The following NEXMIF variants were observed in gnomAD, a reference collection of about 807,000 sequenced individuals.
The protein encoded by NEXMIF is neurite extension and migration factor.
NEXMIF carries 8 observed loss-of-function variants against 62.1 expected under a neutral mutation model. That is an observed-to-expected ratio of 0.13 (90% confidence interval 0.08 to 0.23). The LOEUF (loss-of-function observed/expected upper bound fraction) is 0.23. NEXMIF is among the 10% of genes least tolerant of loss of function. NEXMIF has a pLI of 1.00. For synonymous variants in NEXMIF, 404 were observed against 416.6 expected (o/e 0.97, Z 0.37); for missense variants, 976 against 1,113.3 (o/e 0.88, Z 1.75).
At chrX:74,881,845 A>C (rs2080665738) in intron 1 of NEXMIF, among the ~76,000 whole-genome samples, 1 of 111,740 alleles carries the variant, frequency 8.9e-6, no homozygotes, top group African/African-American at 3.3e-5. Context: ...GTCAAGGAGG[A>C]GGTTATGGGT....
At chrX:74,886,781 C>A (rs1174010736) in intron 1 of NEXMIF, among the ~76,000 whole-genome samples, 1 of 108,281 alleles carries the variant, frequency 9.2e-6, no homozygotes, top group Non-Finnish European at 1.9e-5. Flanking sequence ...ACTTTCTTCA[C>A]AGAATTGGAA....
At chrX:74,793,677 T>C (rs1287812447) in intron 1 of NEXMIF, among the ~76,000 whole-genome samples, 1 of 105,323 alleles carries the variant, frequency 9.5e-6, no homozygotes, top group African/African-American at 3.5e-5. Context: ...GCTTATTTCT[T>C]TTTATTCTTT....
intron 1 of NEXMIF, among the ~76,000 whole-genome samples, chrX:74,795,691 G>A (rs1338370880): frequency 9.0e-6 from 1 of 111,383 alleles, no homozygotes; most frequent in Non-Finnish European, 1.9e-5. Flanking sequence ...ATATGCAAAT[G>A]CAAACATCAA....
chrX:74,825,350 C>T (rs2147481288), intron 1 of NEXMIF, among the ~76,000 whole-genome samples: 1 of 111,093 alleles, frequency 9.0e-6, no homozygotes, highest in Admixed American at 9.6e-5. Flanking sequence ...AACCTAGTAC[C>T]CATTAGTTAT....
At chrX:74,765,723 T>G (rs906918540) in intron 1 of NEXMIF, among the ~76,000 whole-genome samples, 41 of 110,156 alleles carry the variant, frequency 3.7e-4, no homozygotes, top group Admixed American at 2.4e-3. Flanking sequence ...GGTTGAAGAT[T>G]TTTTTCTTTA....
chrX:74,815,985 A>C (rs1413616711), intron 1 of NEXMIF, among the ~76,000 whole-genome samples: 1 of 111,115 alleles, frequency 9.0e-6, no homozygotes, highest in Admixed American at 9.6e-5. Flanking sequence ...TGGTCCACTT[A>C]CTGTTTCCCC....
chrX:74,888,765 T>C (rs1428021669), intron 1 of NEXMIF, among the ~76,000 whole-genome samples: 3 of 112,103 alleles, frequency 2.7e-5, no homozygotes, highest in Non-Finnish European at 5.6e-5. Flanking sequence ...ACACATATTA[T>C]TCACATAAAC....
At chrX:74,837,180 G>A (rs2080459890) in intron 1 of NEXMIF, among the ~76,000 whole-genome samples, 1 of 111,539 alleles carries the variant, frequency 9.0e-6, no homozygotes, top group African/African-American at 3.3e-5. Flanking sequence ...GATAGGGGAG[G>A]GGTGGATCTG....
At chrX:74,866,006 C>A (rs1049041704) in intron 1 of NEXMIF, among the ~76,000 whole-genome samples, 1 of 111,429 alleles carries the variant, frequency 9.0e-6, no homozygotes, top group Admixed American at 9.5e-5. Context: ...TCCACTGGGG[C>A]ACTGCCTAGT....
At position 74,925,402 on chromosome X, in the gene NEXMIF, G is replaced by C. The variant is rs2080841398; in HGVS notation, c.-567C>G. 1.5e-5 allele frequency: 3 copies of C among 195,483 alleles called. No individual in the cohort carries two copies. The highest frequency in any genetic ancestry group is 3.0e-5 in the Non-Finnish European group (3 of 100,794). 16.1% of individuals were successfully genotyped at this position (195,483 alleles called of 1,213,427 possible). A position where few individuals can be genotyped will look rare whatever the true frequency, so the allele number is the denominator to read the frequency against. On this transcript the variant is annotated 5_prime_UTR_variant, in exon 1 of 4. Transcript: ENST00000055682. ...TGCCGCTAATGCTACTGCTGTGGCG[G>C]CGGTGGTGGCGGCGGCGGCTGCTGC...
chrX:74,922,343 TGTGTG>T (rs1226814152), intron 1 of NEXMIF, among the ~76,000 whole-genome samples: 8 of 87,993 alleles, frequency 9.1e-5, no homozygotes, highest in African/African-American at 7.6e-4. Context: ...TATGGGTGTG[TGTGTG>T]TGTGTGTGTG....
intron 1 of NEXMIF, among the ~76,000 whole-genome samples, chrX:74,793,224 T>C (rs1225568283): frequency 1.8e-5 from 2 of 110,534 alleles, no homozygotes; most frequent in Non-Finnish European, 3.8e-5. Flanking sequence ...TAATTTCTCC[T>C]TCACTTATGA....
intron 1 of NEXMIF, among the ~76,000 whole-genome samples, chrX:74,857,609 G>A (rs1414032576): frequency 9.0e-6 from 1 of 111,624 alleles, no homozygotes; most frequent in Non-Finnish European, 1.9e-5. Context: ...GCTATAGTGA[G>A]AGACTCCTGC....
chrX:74,820,458 G>A (rs916154799), intron 1 of NEXMIF, among the ~76,000 whole-genome samples: 9 of 110,887 alleles, frequency 8.1e-5, no homozygotes, highest in African/African-American at 3.0e-4. Context: ...ATTTTTCAAA[G>A]AACTTAAAAT....
intron 1 of NEXMIF, among the ~76,000 whole-genome samples, chrX:74,890,569 A>G: frequency 8.9e-6 from 1 of 111,918 alleles, no homozygotes; most frequent in East Asian, 2.8e-4. Flanking sequence ...CATATCATCA[A>G]ACATATTCTT....
intron 1 of NEXMIF, among the ~76,000 whole-genome samples, chrX:74,800,419 T>C (rs1398831535): frequency 4.5e-5 from 5 of 111,679 alleles, no homozygotes; most frequent in Non-Finnish European, 9.4e-5. Flanking sequence ...ATCCTATTTT[T>C]ATTTACTTTA....
At chrX:74,774,630 C>G (rs1290118283) in intron 1 of NEXMIF, among the ~76,000 whole-genome samples, 1 of 111,881 alleles carries the variant, frequency 8.9e-6, no homozygotes, top group Non-Finnish European at 1.9e-5. Flanking sequence ...CTCTTTGATA[C>G]TTTAGGTAAG....
At chrX:74,877,752 C>T (rs1300236413) in intron 1 of NEXMIF, among the ~76,000 whole-genome samples, 1 of 111,935 alleles carries the variant, frequency 8.9e-6, no homozygotes, top group Non-Finnish European at 1.9e-5. Context: ...CATCTTCCAT[C>T]ACTGATACCG....
intron 1 of NEXMIF, among the ~76,000 whole-genome samples, chrX:74,924,291 A>G (rs757817929): frequency 9.0e-6 from 1 of 111,695 alleles, no homozygotes; most frequent in South Asian, 3.8e-4. Context: ...AGGGGCCACA[A>G]GCCAATTTCC....
Sources: gnomAD v4.1 joint callset for allele counts (sites outside exome capture counted in the v4.1 genomes callset) on GRCh38, gnomAD v4.1.1 for gene constraint, MANE v1.5 for transcripts, NCBI Gene and HGNC (gene_info 2026-07-23, HGNC 2026-07-21) for gene names.